The following FAM117B variants were observed in gnomAD, a reference collection of about 807,000 sequenced individuals.
FAM117B encodes protein FAM117B.
In FAM117B, 22 loss-of-function variants were observed where a neutral mutation model predicts 52.8. The ratio of observed to expected loss-of-function variants is 0.42; its 90% CI spans 0.30 to 0.59. The LOEUF (loss-of-function observed/expected upper bound fraction) is 0.59, where lower values mean the gene tolerates loss of function less well. Ranked by LOEUF, FAM117B falls within the 20% of genes least tolerant of loss-of-function variation. The probability of loss-of-function intolerance (pLI) is 0.22; values close to 1 mark genes in which losing one functional copy is unlikely to be tolerated. For missense variants in FAM117B, 678 were observed against 802.6 expected, an observed-to-expected ratio of 0.84 and a Z score of 1.88; for synonymous variants, 309 against 324.1, an observed-to-expected ratio of 0.95 and a Z score of 0.50.
At position 202,635,171 on chromosome 2, in the gene FAM117B, C is replaced by T; in HGVS notation, c.-17C>T. 2 of 1,265,976 alleles carry T rather than the reference C, an allele frequency of 1.6e-6. No individual in the cohort carries two copies. The highest frequency in any genetic ancestry group is 1.0e-6 in the Non-Finnish European group (1 of 1,004,492). 78.4% of individuals were successfully genotyped at this position (1,265,976 alleles called of 1,614,324 possible). The stretch of plus-strand genomic sequence containing the variant: ...AAAACCCCCCGTCTCGCCCAGTCAC[C>T]GGGGAGGGGGGGGACCATGTCCCAG... On this transcript the variant is annotated 5_prime_UTR_variant, in exon 1 of 8. Coordinates refer to ENST00000392238, the MANE Select transcript of FAM117B (RefSeq NM_173511.4).
At chr2:202,742,758 A>G (rs1371672748) in intron 4 of FAM117B, among the ~76,000 whole-genome samples, 2 of 152,254 alleles carry the variant, frequency 1.3e-5, no homozygotes, top group African/African-American at 4.8e-5. Context: ...CATATACCAC[A>G]GACACAAAGG....
rs1299145673 is a variant in FAM117B, at chr2:202,640,626, T to G, written c.601+4838T>G. Among the ~76,000 whole-genome samples, 5 of 152,004 alleles carry G rather than the reference T, an allele frequency of 3.3e-5. No individual in the cohort carries two copies. In the East Asian group the frequency reaches 9.7e-4, roughly 29 times the overall value. ...TACACATTCAAGGGAATTCTTTTTT[T>G]TTTTGGAGACTGGGTCTCTGTCACC... On this transcript the variant is annotated intron_variant, in intron 1 of 7. Coordinates refer to ENST00000392238, the MANE Select transcript of FAM117B (RefSeq NM_173511.4).
intron 1 of FAM117B, among the ~76,000 whole-genome samples, chr2:202,643,685 G>C (rs1689808720): frequency 6.6e-6 from 1 of 151,964 alleles, no homozygotes; most frequent in South Asian, 2.1e-4. Flanking sequence ...AGGTTTCTTT[G>C]GCTGTTTACC....
chr2:202,748,287 G>T lies in FAM117B; in HGVS notation c.961-7251G>T, dbSNP rs531265341. 1.8e-4 allele frequency among the ~76,000 whole-genome samples: 28 copies of T among 152,102 alleles called. 1 individual carries two copies. The highest frequency in any genetic ancestry group is 6.7e-4 in the African/African-American group (28 of 41,488). On this transcript the variant is annotated intron_variant, in intron 4 of 7. Coordinates refer to ENST00000392238, the MANE Select transcript of FAM117B (RefSeq NM_173511.4). ...CCACATATAAAAATCGACCTAAAAT[G>T]GATTAAAGCCTTAAAGGTAAGACCC... is the stretch of plus-strand genomic sequence containing the variant.
chr2:202,755,726 T>A, intron 5 of FAM117B, 45 bp downstream of exon 5: 1 of 1,549,996 alleles, frequency 6.5e-7, no homozygotes, highest in South Asian at 1.2e-5. Flanking sequence ...CTCTTATAAT[T>A]ATTAAAAATG....
chr2:202,663,935 T>C (rs934165902), intron 1 of FAM117B, among the ~76,000 whole-genome samples: 13 of 152,184 alleles, frequency 8.5e-5, no homozygotes, highest in African/African-American at 3.1e-4. Context: ...AGACCAAACC[T>C]TTCATTTTTG....
chr2:202,689,210 G>A (rs1690586836), intron 1 of FAM117B, among the ~76,000 whole-genome samples: 1 of 152,146 alleles, frequency 6.6e-6, no homozygotes, highest in South Asian at 2.1e-4. Context: ...GGAGCTTGAG[G>A]TGGGTGGATC....
rs140928195 is a variant in FAM117B, at chr2:202,673,651, T to G, written c.602-22230T>G. Among the ~76,000 whole-genome samples, 1,292 of 151,938 alleles carry G rather than the reference T, an allele frequency of 8.5e-3. 25 individuals carry two copies. Among genetic ancestry groups the G allele is most frequent in the African/African-American group, 0.029 (1,220 of 41,422 alleles). On this transcript the variant is annotated intron_variant, in intron 1 of 7. Coordinates refer to ENST00000392238, the MANE Select transcript of FAM117B (RefSeq NM_173511.4). ...TTAGTAGAGATGGGGTTTCACCATA[T>G]TAGTCAGGCTGGTCTGGAACTCTTG... is the stretch of plus-strand genomic sequence containing the variant.
At chr2:202,719,256 T>A (rs1167769758) in intron 2 of FAM117B, among the ~76,000 whole-genome samples, 4 of 152,200 alleles carry the variant, frequency 2.6e-5, no homozygotes, top group Non-Finnish European at 2.9e-5. Flanking sequence ...CTGTCTGTTG[T>A]TCTTTATGCT....
intron 1 of FAM117B, among the ~76,000 whole-genome samples, chr2:202,673,821 A>G (rs138219398): frequency 1.4e-4 from 22 of 152,078 alleles, no homozygotes; most frequent in African/African-American, 5.3e-4. Flanking sequence ...GGTTATGTCT[A>G]ACTTCTTCCT....
At chr2:202,669,951 T>C (rs1386525016) in intron 1 of FAM117B, among the ~76,000 whole-genome samples, 1 of 152,206 alleles carries the variant, frequency 6.6e-6, no homozygotes, top group Non-Finnish European at 1.5e-5. Context: ...AAAAATTAAG[T>C]ACTTTCAGGA....
At chr2:202,694,061 A>G (rs1690672261) in intron 1 of FAM117B, among the ~76,000 whole-genome samples, 1 of 152,148 alleles carries the variant, frequency 6.6e-6, no homozygotes, top group Non-Finnish European at 1.5e-5. Flanking sequence ...ATTCTCACAG[A>G]AAATTATACA....
chr2:202,681,586 T>A lies in FAM117B; in HGVS notation c.602-14295T>A, dbSNP rs74877359. Among the ~76,000 whole-genome samples the A allele has an allele frequency of 1.8e-3, 278 of 152,330 alleles. 4 individuals carry two copies. Among genetic ancestry groups the A allele is most frequent in the African/African-American group, 6.6e-3 (275 of 41,574 alleles). ...ATGACAAGGGGGTTAATTTATCAAT[T>A]GTAAGAGTGTTTGCATCGAATAGGA... On this transcript the variant is annotated intron_variant, in intron 1 of 7. Transcript: ENST00000392238.
intron 1 of FAM117B, among the ~76,000 whole-genome samples, chr2:202,657,245 G>A (rs1222629324): frequency 6.6e-6 from 1 of 151,998 alleles, no homozygotes; most frequent in Non-Finnish European, 1.5e-5. Flanking sequence ...GTGCCACCAG[G>A]CCCAGCTAGT....
intron 4 of FAM117B, among the ~76,000 whole-genome samples, chr2:202,747,793 T>C (rs548586369): frequency 1.3e-5 from 2 of 152,120 alleles, no homozygotes; most frequent in African/African-American, 4.8e-5. Flanking sequence ...CAAACACTAA[T>C]GAAAGAAATT....
chr2:202,757,149 G>A (rs1383502912), intron 5 of FAM117B, 64 bp from the exon 6 acceptor site: 7 of 1,473,214 alleles, frequency 4.8e-6, no homozygotes, highest in African/African-American at 2.8e-5. Flanking sequence ...GTTGACATTG[G>A]GTTCATTGCT....
At chr2:202,648,481 C>T (rs1689902842) in intron 1 of FAM117B, among the ~76,000 whole-genome samples, 1 of 150,686 alleles carries the variant, frequency 6.6e-6, no homozygotes, top group African/African-American at 2.4e-5. Context: ...TGCGCCACTG[C>T]ACTGCAGCCT....
chr2:202,714,357 GT>G (rs1202407529), intron 2 of FAM117B, among the ~76,000 whole-genome samples: 2 of 151,920 alleles, frequency 1.3e-5, no homozygotes, highest in Admixed American at 6.6e-5. Context: ...TGATTTTTTT[GT>G]TGTTGATTTT....
intron 4 of FAM117B, among the ~76,000 whole-genome samples, chr2:202,730,521 T>G (rs1249387373): frequency 6.6e-6 from 1 of 151,872 alleles, no homozygotes; most frequent in Non-Finnish European, 1.5e-5. Flanking sequence ...AACACAAAAA[T>G]AAGCTAGGCG....
Sources: allele counts gnomAD v4.1 joint callset (sites outside exome capture counted in the v4.1 genomes callset), GRCh38; gene constraint gnomAD v4.1.1; transcripts MANE v1.5; gene names NCBI Gene and HGNC (gene_info 2026-07-23, HGNC 2026-07-21).